PLXNA4: variants seen among roughly 807,000 people sequenced by gnomAD.
PLXNA4 encodes the protein plexin A4, also known as plexin-A4.
PLXNA4 carries 44 observed loss-of-function variants against 191.8 expected under a neutral mutation model. The ratio of observed to expected loss-of-function variants is 0.23; its 90% CI spans 0.18 to 0.29. The LOEUF is 0.29. PLXNA4 is among the 10% of genes least tolerant of loss of function. PLXNA4 has a pLI of 1.00. For synonymous variants in PLXNA4, 1,082 were observed against 1,009.5 expected (o/e 1.07, Z -1.36); for missense variants, 1,800 against 2,488.8 (o/e 0.72, Z 5.89).
At chr7:132,213,917 G>A (rs981376328) in intron 9 of PLXNA4, among the ~76,000 whole-genome samples, 3 of 152,178 alleles carry the variant, frequency 2.0e-5, no homozygotes, top group Admixed American at 2.0e-4. Context: ...TGAGAAATGA[G>A]GCCCTGAGGG....
chr7:132,639,762 T>A (rs1273553864), intron 2 of PLXNA4, among the ~76,000 whole-genome samples: 1 of 152,236 alleles, frequency 6.6e-6, no homozygotes, highest in Non-Finnish European at 1.5e-5. Flanking sequence ...AATTTTCCAA[T>A]GATAAATTTC....
At chr7:132,188,173 G>A (rs1796941693) in intron 14 of PLXNA4, among the ~76,000 whole-genome samples, 1 of 152,158 alleles carries the variant, frequency 6.6e-6, no homozygotes, top group Non-Finnish European at 1.5e-5. Flanking sequence ...GGAAGTGAGA[G>A]CCCCAGGGAA....
chr7:132,315,055 A>T (rs1391892706), intron 3 of PLXNA4, among the ~76,000 whole-genome samples: 1 of 152,206 alleles, frequency 6.6e-6, no homozygotes, highest in Non-Finnish European at 1.5e-5. Flanking sequence ...CCAGTGGAAT[A>T]TTGTGCTCTT....
chr7:132,276,519 G>A (rs925656853), intron 4 of PLXNA4, among the ~76,000 whole-genome samples: 2 of 152,154 alleles, frequency 1.3e-5, no homozygotes, highest in South Asian at 2.1e-4. Context: ...CAGAAAGCAG[G>A]GCTCTCCCTG....
In PLXNA4 at chr7:132,127,000, T is replaced by C. The variant is rs150390064; in HGVS notation, c.*3479A>G. On this transcript the variant is annotated 3_prime_UTR_variant, in exon 32 of 32. Coordinates refer to ENST00000321063, the MANE Select transcript of PLXNA4 (RefSeq NM_020911.2). Reference sequence around the variant, plus strand: ...TCTCCTTATGGGGAAGGACAAAGAATGGGTAAAAGCTGCATCTGGGGGGAC... The same window carrying C: ...TCTCCTTATGGGGAAGGACAAAGAACGGGTAAAAGCTGCATCTGGGGGGAC... 3 of 150,102 alleles carry C rather than the reference T, an allele frequency of 2.0e-5. No homozygotes were observed. In the East Asian group the frequency reaches 5.8e-4, roughly 29 times the overall value. 9.3% of individuals were successfully genotyped at this position (150,102 alleles called of 1,614,324 possible).
intron 3 of PLXNA4, among the ~76,000 whole-genome samples, chr7:132,434,158 A>G (rs1194057772): frequency 1.3e-5 from 2 of 152,076 alleles, no homozygotes; most frequent in Admixed American, 1.3e-4. Context: ...AGTTTCTGAC[A>G]CTTTGCTTTT....
intron 20 of PLXNA4, among the ~76,000 whole-genome samples, chr7:132,176,593 C>A (rs1487720981): frequency 9.4e-6 from 1 of 106,768 alleles, no homozygotes; most frequent in Non-Finnish European, 1.9e-5. Flanking sequence ...AGTGTGTGAG[C>A]ATGTCAGGGA....
intron 3 of PLXNA4, among the ~76,000 whole-genome samples, chr7:132,338,266 GA>G (rs1802894064): frequency 6.6e-6 from 1 of 152,210 alleles, no homozygotes; most frequent in Admixed American, 6.5e-5. Context: ...ACCGGCACAG[GA>G]GCCGTGAACA....
Position 132,189,016 on chromosome 7 carries a change from GAGAGAGAGAGAGAA to G in PLXNA4, c.2857-1423_2857-1410del, listed in dbSNP as rs61325958. 7.4e-3 allele frequency among the ~76,000 whole-genome samples: 546 copies of G among 73,618 alleles called. 3 individuals carry two copies. The highest frequency in any genetic ancestry group is 0.03 in the Admixed American group (189 of 6,370). The allele number at this position is 73,618 out of a possible 152,430, so 48.3% of individuals were successfully genotyped here. A position where few individuals can be genotyped will look rare whatever the true frequency, so the allele number is the denominator to read the frequency against. On this transcript the variant is annotated intron_variant, in intron 14 of 31. Transcript: ENST00000321063. ...AAGGAGAGAGAGAGAGAGAGAGAGA[GAGAGAGAGAGAGAA>G]AGAGAGAGAGAGAGAGAGAGAGAGA...
intron 2 of PLXNA4, among the ~76,000 whole-genome samples, chr7:132,637,079 T>G (rs1803623699): frequency 6.6e-6 from 1 of 152,200 alleles, no homozygotes; most frequent in Admixed American, 6.5e-5. Flanking sequence ...AATGCAGAGA[T>G]AGATGGCTCT....
chr7:132,535,471 C>T (rs951516718), intron 1 of PLXNA4, among the ~76,000 whole-genome samples: 1 of 152,160 alleles, frequency 6.6e-6, no homozygotes, highest in East Asian at 1.9e-4. Context: ...GTGGCTGAGG[C>T]CAATGAGCGT....
At chr7:132,452,463 G>C (rs911144206) in intron 3 of PLXNA4, among the ~76,000 whole-genome samples, 2 of 152,196 alleles carry the variant, frequency 1.3e-5, no homozygotes, top group African/African-American at 4.8e-5. Flanking sequence ...CAAGGAAAGC[G>C]ATGGTGGCCA....
chr7:132,360,533 C>T (rs991937250), intron 3 of PLXNA4, among the ~76,000 whole-genome samples: 2 of 152,148 alleles, frequency 1.3e-5, no homozygotes, highest in African/African-American at 4.8e-5. Flanking sequence ...ATAAGGGTCC[C>T]GTTCTATCCT....
chr7:132,562,160 TCTC>T (rs1247702305), intron 1 of PLXNA4, among the ~76,000 whole-genome samples: 3 of 45,690 alleles, frequency 6.6e-5, no homozygotes, highest in East Asian at 8.3e-4. Context: ...CTTCTCTCCT[TCTC>T]CTCCTCCTCT....
At chr7:132,561,276 C>T (rs1177044951) in intron 1 of PLXNA4, among the ~76,000 whole-genome samples, 1 of 151,842 alleles carries the variant, frequency 6.6e-6, no homozygotes, top group Non-Finnish European at 1.5e-5. Context: ...CTGGATGCCC[C>T]TCTTCCTCCT....
At chr7:132,479,581 C>T (rs1797259706) in intron 3 of PLXNA4, among the ~76,000 whole-genome samples, 1 of 152,208 alleles carries the variant, frequency 6.6e-6, no homozygotes, top group Non-Finnish European at 1.5e-5. Context: ...GAGAATGCCG[C>T]CCGGCAGTGG....
intron 22 of PLXNA4, among the ~76,000 whole-genome samples, chr7:132,167,212 T>C (rs1796148420): frequency 6.6e-6 from 1 of 152,158 alleles, no homozygotes. Context: ...ACAGAAGCAC[T>C]GGTAGAGTGA....
At chr7:132,552,629 G>A (rs542693506) in intron 1 of PLXNA4, among the ~76,000 whole-genome samples, 7 of 152,314 alleles carry the variant, frequency 4.6e-5, no homozygotes, top group Admixed American at 2.6e-4. Context: ...TCCAGCTGAA[G>A]TGGTATCTGA....
chr7:132,466,023 C>A (rs949652308), intron 3 of PLXNA4, among the ~76,000 whole-genome samples: 33 of 152,262 alleles, frequency 2.2e-4, no homozygotes, highest in African/African-American at 7.5e-4. Context: ...GGCCTGGTCT[C>A]AACTTGGGAA....
Sources: allele counts gnomAD v4.1 joint callset (sites outside exome capture counted in the v4.1 genomes callset), GRCh38; gene constraint gnomAD v4.1.1; transcripts MANE v1.5; gene names NCBI Gene and HGNC (gene_info 2026-07-23, HGNC 2026-07-21).